The following CTNND2 variants were observed in gnomAD, a reference collection of about 807,000 sequenced individuals.
CTNND2 encodes the protein catenin delta-2.
In CTNND2, 22 loss-of-function variants were observed where a neutral mutation model predicts 144.4. That is an observed-to-expected ratio of 0.15 (90% CI 0.11 to 0.22). The LOEUF (loss-of-function observed/expected upper bound fraction) is 0.22, where lower values mean the gene tolerates loss of function less well. CTNND2 is among the 10% of genes least tolerant of loss of function. The pLI, the probability that CTNND2 is intolerant of heterozygous loss-of-function variation, is 1.00. For synonymous variants in CTNND2, 751 were observed against 695.6 expected, an observed-to-expected ratio of 1.08 and a Z score of -1.25; for missense variants, 1,353 against 1,618.8, an observed-to-expected ratio of 0.84 and a Z score of 2.82.
At chr5:11,600,195 C>T (rs1779711923) in intron 2 of CTNND2, among the ~76,000 whole-genome samples, 1 of 152,090 alleles carries the variant, frequency 6.6e-6, no homozygotes, top group Non-Finnish European at 1.5e-5. Context: ...CATACCTATG[C>T]TAATACAGCA....
At chr5:11,258,523 C>A (rs575839136) in intron 9 of CTNND2, among the ~76,000 whole-genome samples, 2 of 152,192 alleles carry the variant, frequency 1.3e-5, no homozygotes, top group African/African-American at 2.4e-5. Context: ...CAAAGGCAAG[C>A]GAACCTGGTC....
chr5:11,312,132 A>G (rs1177552389), intron 9 of CTNND2, among the ~76,000 whole-genome samples: 1 of 104,288 alleles, frequency 9.6e-6, no homozygotes. Flanking sequence ...CTCCCCATAC[A>G]TCCTCTCCCC....
chr5:11,318,575 G>C (rs1235671315), intron 9 of CTNND2, among the ~76,000 whole-genome samples: 1 of 152,028 alleles, frequency 6.6e-6, no homozygotes, highest in Non-Finnish European at 1.5e-5. Flanking sequence ...AAAACAAAAA[G>C]TCACCCTCTC....
At chr5:11,263,674 C>G (rs116121664) in intron 9 of CTNND2, among the ~76,000 whole-genome samples, 1 of 152,156 alleles carries the variant, frequency 6.6e-6, no homozygotes, top group Non-Finnish European at 1.5e-5. Flanking sequence ...TTTGTATTTT[C>G]CAGTATGAGC....
intron 3 of CTNND2, among the ~76,000 whole-genome samples, chr5:11,477,028 C>T (rs150107586): frequency 3.3e-5 from 5 of 152,170 alleles, no homozygotes; most frequent in African/African-American, 1.2e-4. Flanking sequence ...AAATAATAGG[C>T]TCTCAGTCAC....
chr5:11,483,204 CAT>C (rs1345030012), intron 3 of CTNND2, among the ~76,000 whole-genome samples: 11 of 152,128 alleles, frequency 7.2e-5, no homozygotes, highest in African/African-American at 2.4e-4. Context: ...ATTGAATACA[CAT>C]GTGATAACAG....
At chr5:11,704,986 A>C (rs1162088358) in intron 2 of CTNND2, among the ~76,000 whole-genome samples, 2 of 151,882 alleles carry the variant, frequency 1.3e-5, no homozygotes, top group Non-Finnish European at 2.9e-5. Flanking sequence ...TGCTAGAATT[A>C]AATGAGAGAC....
At chr5:11,719,833 TACACAC>T (rs36223515) in intron 2 of CTNND2, among the ~76,000 whole-genome samples, 1,930 of 142,084 alleles carry the variant, frequency 0.014, 25 homozygotes, top group Non-Finnish European at 0.017. Context: ...CTCTGACATA[TACACAC>T]ACACACACAC....
chr5:11,786,103 C>A (rs541587177), intron 1 of CTNND2, among the ~76,000 whole-genome samples: 48 of 152,356 alleles, frequency 3.2e-4, no homozygotes, highest in African/African-American at 1.1e-3. Flanking sequence ...GTACATGTAA[C>A]AGCGCGGCAG....
At chr5:11,459,144 G>A (rs1363409283) in intron 3 of CTNND2, among the ~76,000 whole-genome samples, 1 of 152,184 alleles carries the variant, frequency 6.6e-6, no homozygotes, top group Non-Finnish European at 1.5e-5. Context: ...GTGCTTAGCA[G>A]AGTGCTTGAC....
chr5:11,425,124 GA>G (rs1211583865), intron 3 of CTNND2, among the ~76,000 whole-genome samples: 2 of 152,172 alleles, frequency 1.3e-5, no homozygotes, highest in African/African-American at 2.4e-5. Flanking sequence ...TGTTCTCAGG[GA>G]AAATTAAAAA....
At chr5:11,107,637 C>T (rs1752552878) in intron 14 of CTNND2, among the ~76,000 whole-genome samples, 1 of 152,196 alleles carries the variant, frequency 6.6e-6, no homozygotes, top group Non-Finnish European at 1.5e-5. Context: ...ACCTTTGTTG[C>T]ATATAAACTT....
intron 9 of CTNND2, among the ~76,000 whole-genome samples, chr5:11,303,994 T>A (rs1749889331): frequency 6.6e-6 from 1 of 152,266 alleles, no homozygotes; most frequent in Non-Finnish European, 1.5e-5. Context: ...CGCTTGGTTC[T>A]CATTCTCTCT....
At chr5:11,315,561 GA>G (rs1457770951) in intron 9 of CTNND2, among the ~76,000 whole-genome samples, 1 of 152,170 alleles carries the variant, frequency 6.6e-6, no homozygotes, top group Non-Finnish European at 1.5e-5. Flanking sequence ...TATGTGGATA[GA>G]TGTTTATGTT....
intron 9 of CTNND2, among the ~76,000 whole-genome samples, chr5:11,307,162 G>C (rs1750323288): frequency 6.6e-6 from 1 of 151,858 alleles, no homozygotes; most frequent in Non-Finnish European, 1.5e-5. Flanking sequence ...GAACAAGTTA[G>C]TTTTACTGCT....
At chr5:11,832,017 C>T (rs1246904430) in intron 1 of CTNND2, among the ~76,000 whole-genome samples, 2 of 152,152 alleles carry the variant, frequency 1.3e-5, no homozygotes, top group African/African-American at 4.8e-5. Context: ...GGCACAGTGG[C>T]TTATGCCTGT....
At chr5:11,699,562 G>T (rs1785322249) in intron 2 of CTNND2, among the ~76,000 whole-genome samples, 1 of 152,072 alleles carries the variant, frequency 6.6e-6, no homozygotes, top group East Asian at 1.9e-4. Flanking sequence ...TGAAAACAAG[G>T]GAGGAATAAT....
intron 16 of CTNND2, among the ~76,000 whole-genome samples, chr5:11,028,530 C>T (rs947283151): frequency 1.3e-5 from 2 of 152,100 alleles, no homozygotes; most frequent in African/African-American, 4.8e-5. Context: ...AACAACTCCC[C>T]AACCCTTCCC....
Position 11,122,720 on chromosome 5 carries a change from C to T in CTNND2, c.2160-5153G>A, listed in dbSNP as rs141963615. 3.8e-3 allele frequency among the ~76,000 whole-genome samples: 578 copies of T among 152,040 alleles called. 3 individuals are homozygous for T. The highest frequency in any genetic ancestry group is 5.6e-3 in the Non-Finnish European group (378 of 67,978). The stretch of plus-strand genomic sequence containing the variant: ...TGGCCTGGGTTCCTGAGACCATATA[C>T]TAGTTTGAGGAGTGGGGTGGGCTGT... On this transcript the variant is annotated intron_variant, in intron 12 of 21. Coordinates refer to ENST00000304623, the MANE Select transcript of CTNND2 (RefSeq NM_001332.4).
Sources: allele counts gnomAD v4.1 joint callset (sites outside exome capture counted in the v4.1 genomes callset), GRCh38; gene constraint gnomAD v4.1.1; transcripts MANE v1.5; gene names NCBI Gene and HGNC (gene_info 2026-07-23, HGNC 2026-07-21).